SHANK2: variants seen among roughly 807,000 people sequenced by gnomAD.
SHANK2 encodes SH3 and multiple ankyrin repeat domains 2.
SHANK2 carries 43 observed loss-of-function variants against 133.7 expected under a neutral mutation model. The ratio of observed to expected loss-of-function variants is 0.32; its 90% CI spans 0.25 to 0.41. The LOEUF (loss-of-function observed/expected upper bound fraction) is 0.41, where lower values mean the gene tolerates loss of function less well. SHANK2 is among the 10% of genes least tolerant of loss of function. The pLI, the probability that SHANK2 is intolerant of heterozygous loss-of-function variation, is 1.00. For missense variants in SHANK2, 1,994 were observed against 2,235.8 expected (o/e 0.89, Z 2.18); for synonymous variants, 1,017 against 952.8 (o/e 1.07, Z -1.24).
At chr11:70,509,915 C>CACCT (rs1357705121) in intron 17 of SHANK2, among the ~76,000 whole-genome samples, 1 of 152,226 alleles carries the variant, frequency 6.6e-6, no homozygotes, top group Admixed American at 6.5e-5. Context: ...CTGTTTAAGC[C>CACCT]ACCTGATCTG....
chr11:70,859,141 T>C (rs1310392748), intron 11 of SHANK2, among the ~76,000 whole-genome samples: 3 of 151,978 alleles, frequency 2.0e-5, no homozygotes, highest in African/African-American at 7.2e-5. Context: ...GGTGGATGAA[T>C]TGGATGGACA....
intron 17 of SHANK2, among the ~76,000 whole-genome samples, chr11:70,581,628 T>C (rs1554985490): frequency 6.6e-6 from 1 of 151,688 alleles, no homozygotes; most frequent in Non-Finnish European, 1.5e-5. Flanking sequence ...GAGGCGGAGG[T>C]TGCAATGAGC....
At chr11:71,088,861 A>G (rs1441783104) in intron 8 of SHANK2, among the ~76,000 whole-genome samples, 19 of 109,200 alleles carry the variant, frequency 1.7e-4, no homozygotes, top group Admixed American at 1.1e-3. Flanking sequence ...ACCCCACCAG[A>G]GGCCTCCCCT....
intron 1 of SHANK2, among the ~76,000 whole-genome samples, chr11:71,238,060 G>A (rs1190040003): frequency 2.0e-5 from 3 of 152,296 alleles, no homozygotes; most frequent in Admixed American, 6.5e-5. Context: ...GGACTCAGGG[G>A]GCCCCCAATG....
At chr11:71,089,992 C>A (rs1479577732) in intron 8 of SHANK2, among the ~76,000 whole-genome samples, 1 of 152,190 alleles carries the variant, frequency 6.6e-6, no homozygotes, top group Admixed American at 6.5e-5. Flanking sequence ...GGGGAAGCAG[C>A]TCCCCCAACC....
chr11:71,153,492 G>A (rs1399365982), intron 2 of SHANK2, among the ~76,000 whole-genome samples: 1 of 152,130 alleles, frequency 6.6e-6, no homozygotes, highest in Non-Finnish European at 1.5e-5. Flanking sequence ...TGGCTCATTC[G>A]TCCTCCAGTA....
chr11:70,719,266 C>T (rs568721645), intron 14 of SHANK2, among the ~76,000 whole-genome samples: 53 of 152,338 alleles, frequency 3.5e-4, no homozygotes, highest in South Asian at 2.7e-3. Context: ...AGATGAGAAG[C>T]GTGGACCTGG....
At chr11:70,619,808 C>G (rs1246727772) in intron 17 of SHANK2, among the ~76,000 whole-genome samples, 1 of 152,138 alleles carries the variant, frequency 6.6e-6, no homozygotes, top group Non-Finnish European at 1.5e-5. Context: ...AGGGAGGAGG[C>G]CTCCATAACA....
rs545994781 is a variant in SHANK2 at position 71,172,334 on chromosome 11, G to A, written c.-12-24996C>T. Among the ~76,000 whole-genome samples, 17 of 152,174 alleles carry A rather than the reference G, an allele frequency of 1.1e-4. No homozygotes were observed. In the South Asian group the frequency reaches 2.5e-3, roughly 22 times the overall value. ...TATTTACTTAAAAGAAACAGCCGCCGGGCACGGTGGCTCACACCTGTAATC... is the reference window on the plus strand; with the variant it reads ...TATTTACTTAAAAGAAACAGCCGCCAGGCACGGTGGCTCACACCTGTAATC... On this transcript the variant is annotated intron_variant, in intron 2 of 25. Coordinates refer to ENST00000601538, the MANE Select transcript of SHANK2 (RefSeq NM_012309.5).
intron 1 of SHANK2, chr11:71,226,563 A>C (rs1307351971): frequency 6.6e-6 from 1 of 152,246 alleles, no homozygotes; most frequent in Non-Finnish European, 1.5e-5. Flanking sequence ...ACCAATACTT[A>C]CATTTCTCAT....
intron 10 of SHANK2, among the ~76,000 whole-genome samples, chr11:70,949,205 G>A (rs1055217493): frequency 1.6e-4 from 24 of 152,218 alleles, no homozygotes; most frequent in Non-Finnish European, 2.6e-4. Flanking sequence ...GGCTAAAATC[G>A]AAGCTGATAC....
At position 70,490,370 on chromosome 11, in the gene SHANK2, T is replaced by C; in HGVS notation, c.2457A>G (p.Gln819=). 6.2e-7 allele frequency: 1 copy of C among 1,614,200 alleles called. No homozygotes were observed. The highest frequency in any genetic ancestry group is 8.5e-7 in the Non-Finnish European group (1 of 1,180,016). ...CAGTGGGCGTCATCACGGCGATTCC[T>C]TGGCGTTCGTACACAGACTGCAAAC... The part of the protein sequence containing the change: ...GSDMNSVYER[Q]GIAVMTPTVP... Residue 819 remains glutamine, a synonymous_variant, in exon 23 of 26, where the codon CAA becomes CAG. Coordinates refer to ENST00000601538, the MANE Select transcript of SHANK2 (RefSeq NM_012309.5).
intron 2 of SHANK2, among the ~76,000 whole-genome samples, chr11:71,167,642 G>T (rs1299053219): frequency 6.9e-6 from 1 of 145,084 alleles, no homozygotes; most frequent in Non-Finnish European, 1.5e-5. Flanking sequence ...CTCACTTCCC[G>T]GACAGGACAG....
At chr11:70,844,116 C>A (rs1434203505) in intron 11 of SHANK2, among the ~76,000 whole-genome samples, 1 of 152,188 alleles carries the variant, frequency 6.6e-6, no homozygotes, top group African/African-American at 2.4e-5. Flanking sequence ...TCCACACACA[C>A]CCAGCCCTCG....
At chr11:70,574,862 C>T (rs1437002868) in intron 17 of SHANK2, among the ~76,000 whole-genome samples, 4 of 152,186 alleles carry the variant, frequency 2.6e-5, no homozygotes, top group Non-Finnish European at 5.9e-5. Flanking sequence ...ACTCTGACCC[C>T]AAACCTCGCT....
At chr11:70,771,832 T>C (rs1947257765) in intron 14 of SHANK2, among the ~76,000 whole-genome samples, 1 of 152,176 alleles carries the variant, frequency 6.6e-6, no homozygotes, top group African/African-American at 2.4e-5. Context: ...CCGTTCCCAG[T>C]TGAGCTGCCA....
Position 70,820,660 on chromosome 11 carries a change from C to A in SHANK2, c.1197G>T (p.Ala399=), listed in dbSNP as rs11237599. 2 of 696,830 alleles carry A rather than the reference C, an allele frequency of 2.9e-6. No homozygotes were observed. The highest frequency in any genetic ancestry group is 5.3e-6 in the Non-Finnish European group (2 of 374,550). The allele number at this position is 696,830 out of a possible 1,614,324, so 43.2% of individuals were successfully genotyped here. A position where few individuals can be genotyped will look rare whatever the true frequency, so the allele number is the denominator to read the frequency against. Residue 399 remains alanine, a synonymous_variant, in exon 12 of 26, where the codon GCG becomes GCT. Transcript: ENST00000601538. ...GGGGCCGCCGCCGGCGGTTGGAGTACGCCGGGGCCTCTCGGAAGGGCACTG... is the reference window on the plus strand; with the variant it reads ...GGGGCCGCCGCCGGCGGTTGGAGTAAGCCGGGGCCTCTCGGAAGGGCACTG... The part of the protein sequence containing the change: ...TDIVPFREAP[A]YSNRRRRPPN...
chr11:70,748,685 A>G (rs1946693011), intron 14 of SHANK2, among the ~76,000 whole-genome samples: 1 of 152,218 alleles, frequency 6.6e-6, no homozygotes, highest in Admixed American at 6.5e-5. Context: ...AATTCCTTCT[A>G]ACTGTTAAGG....
At chr11:70,928,906 C>T (rs1950465277) in intron 10 of SHANK2, among the ~76,000 whole-genome samples, 1 of 152,036 alleles carries the variant, frequency 6.6e-6, no homozygotes, top group South Asian at 2.1e-4. Flanking sequence ...GAAAGTGACT[C>T]CCCATCTCTC....
Sources: allele counts gnomAD v4.1 joint callset (sites outside exome capture counted in the v4.1 genomes callset), GRCh38; gene constraint gnomAD v4.1.1; transcripts MANE v1.5; gene names NCBI Gene and HGNC (gene_info 2026-07-23, HGNC 2026-07-21).